Variants in ENTHD1 observed in about 807,000 individuals in gnomAD.
ENTHD1 encodes ENTH domain containing 1, also known as ENTH domain-containing protein 1.
Under a neutral mutation model 39.1 loss-of-function variants are expected in ENTHD1, and 23 were observed. That is an observed-to-expected ratio of 0.59 (90% CI 0.42 to 0.83). ENTHD1 has a LOEUF of 0.83. ENTHD1 is among the 40% of genes least tolerant of loss of function. The pLI, the probability that ENTHD1 is intolerant of heterozygous loss-of-function variation, is 0.00. For missense variants in ENTHD1, 624 were observed against 705.4 expected (o/e 0.88, Z 1.31); for synonymous variants, 230 against 258.2 (o/e 0.89, Z 1.05).
At chr22:39,802,872 A>C (rs550114639) in intron 5 of ENTHD1, among the ~76,000 whole-genome samples, 2 of 152,334 alleles carry the variant, frequency 1.3e-5, no homozygotes, top group South Asian at 4.1e-4. Flanking sequence ...ATCAGTCATG[A>C]GGAAATCCTC....
intron 3 of ENTHD1, among the ~76,000 whole-genome samples, chr22:39,844,494 A>G (rs6001694): frequency 0.23 from 35,195 of 152,080 alleles, 4,462 homozygotes; most frequent in African/African-American, 0.32. Flanking sequence ...AATATTCAGT[A>G]GCTGACTCCT....
At chr22:39,809,724 T>C (rs1343092270) in intron 5 of ENTHD1, among the ~76,000 whole-genome samples, 1 of 152,130 alleles carries the variant, frequency 6.6e-6, no homozygotes, top group Admixed American at 6.5e-5. Context: ...TTGTCATCTG[T>C]AGGCTGAGAT....
At chr22:39,776,425 A>G (rs2065366031) in intron 5 of ENTHD1, among the ~76,000 whole-genome samples, 1 of 152,162 alleles carries the variant, frequency 6.6e-6, no homozygotes, top group Non-Finnish European at 1.5e-5. Context: ...TCGAGGATCT[A>G]TCCAGCTGAC....
intron 3 of ENTHD1, among the ~76,000 whole-genome samples, chr22:39,854,398 C>G (rs1414497068): frequency 6.6e-6 from 1 of 152,158 alleles, no homozygotes; most frequent in Admixed American, 6.5e-5. Flanking sequence ...AGGTAAAGTT[C>G]TGTTGCAAAG....
intron 5 of ENTHD1, among the ~76,000 whole-genome samples, chr22:39,798,095 T>C (rs575771130): frequency 2.0e-5 from 3 of 152,256 alleles, no homozygotes; most frequent in African/African-American, 4.8e-5. Context: ...TAGTGTTCCA[T>C]ATGACACATA....
Position 39,875,686 on chromosome 22 carries a change from C to T in ENTHD1, c.349+11714G>A, listed in dbSNP as rs561168025. 1.2e-3 allele frequency: 1,940 copies of T among 1,611,958 alleles called. 19 individuals are homozygous for T. In the African/African-American group the frequency reaches 0.023, roughly 19 times the overall value. On this transcript the variant is annotated intron_variant, in intron 2 of 6. Transcript: ENST00000325157. ...GTGTCGCATATGCTGCCAAGAATGC[C>T]GTCACCCAGTTCGTTTCCAGCATGA...
chr22:39,851,660 T>C (rs2066041124), intron 3 of ENTHD1, among the ~76,000 whole-genome samples: 1 of 152,226 alleles, frequency 6.6e-6, no homozygotes, highest in South Asian at 2.1e-4. Flanking sequence ...TCCTTCCCAA[T>C]GCTCAAGACA....
intron 3 of ENTHD1, among the ~76,000 whole-genome samples, chr22:39,851,909 AATGGAGTT>A (rs2066043327): frequency 6.6e-6 from 1 of 152,182 alleles, no homozygotes; most frequent in Non-Finnish European, 1.5e-5. Flanking sequence ...TTGTGCAGTA[AATGGAGTT>A]CCTAGTCTCA....
chr22:39,743,877 A>G lies in ENTHD1; in HGVS notation c.1626T>C (p.Pro542=), dbSNP rs2146523591. Residue 542 remains proline, a synonymous_variant, in exon 7 of 7, where the codon CCT becomes CCC. Coordinates refer to ENST00000325157, the MANE Select transcript of ENTHD1 (RefSeq NM_152512.4). ...GAACACTAATGGAATTCTTTGCTTCAGGTTCCTGGGGGAAGTCTTTGGTTG... is the reference window on the plus strand; with the variant it reads ...GAACACTAATGGAATTCTTTGCTTCGGGTTCCTGGGGGAAGTCTTTGGTTG... ...FQSTKDFPQE[P]EAKNSISVLL... The G allele has an allele frequency of 2.5e-6, 4 of 1,614,156 alleles. No individual in the cohort carries two copies. The highest frequency in any genetic ancestry group is 3.4e-6 in the Non-Finnish European group (4 of 1,180,000).
chr22:39,840,163 T>C (rs1021420037), intron 3 of ENTHD1, among the ~76,000 whole-genome samples: 2 of 152,200 alleles, frequency 1.3e-5, no homozygotes, highest in Non-Finnish European at 2.9e-5. Flanking sequence ...AAGCTACTTA[T>C]CAATTGACAC....
intron 3 of ENTHD1, among the ~76,000 whole-genome samples, chr22:39,854,628 A>G (rs2146711725): frequency 6.6e-6 from 1 of 152,290 alleles, no homozygotes; most frequent in South Asian, 2.1e-4. Flanking sequence ...CTCTTCCTTC[A>G]AACTTCAAAA....
intron 6 of ENTHD1, among the ~76,000 whole-genome samples, chr22:39,749,889 G>A (rs1338892602): frequency 3.3e-5 from 5 of 152,302 alleles, no homozygotes; most frequent in African/African-American, 7.2e-5. Context: ...TGAGGTCATC[G>A]TTACTGCCTG....
At chr22:39,758,518 G>A (rs1443019747) in intron 6 of ENTHD1, among the ~76,000 whole-genome samples, 1 of 152,098 alleles carries the variant, frequency 6.6e-6, no homozygotes, top group Non-Finnish European at 1.5e-5. Flanking sequence ...TCAAACTCTT[G>A]GGCTCAAGTG....
At chr22:39,799,991 G>T (rs911177452) in intron 5 of ENTHD1, among the ~76,000 whole-genome samples, 1 of 152,222 alleles carries the variant, frequency 6.6e-6, no homozygotes, top group African/African-American at 2.4e-5. Context: ...TGCTACAGCT[G>T]CTTAGGACTT....
At chr22:39,747,808 C>T (rs1042630926) in intron 6 of ENTHD1, among the ~76,000 whole-genome samples, 11 of 151,936 alleles carry the variant, frequency 7.2e-5, no homozygotes, top group African/African-American at 2.7e-4. Flanking sequence ...AAAAAAAAAA[C>T]TTTCTCATTG....
chr22:39,820,917 A>T, intron 5 of ENTHD1, 76 bp downstream of exon 5: 1 of 1,546,924 alleles, frequency 6.5e-7, no homozygotes, highest in Non-Finnish European at 8.8e-7. Flanking sequence ...TAACAAAGTT[A>T]AATAGAAGCC....
intron 2 of ENTHD1, among the ~76,000 whole-genome samples, chr22:39,862,416 C>T (rs965557501): frequency 2.6e-5 from 4 of 151,802 alleles, no homozygotes; most frequent in Non-Finnish European, 5.9e-5. Flanking sequence ...GGCATGGTGG[C>T]ATGTGCCTGT....
At chr22:39,866,916 T>C (rs2066186879) in intron 2 of ENTHD1, among the ~76,000 whole-genome samples, 1 of 152,208 alleles carries the variant, frequency 6.6e-6, no homozygotes, top group Admixed American at 6.5e-5. Flanking sequence ...TACTTTTTTT[T>C]TTTTGAGACG....
intron 2 of ENTHD1, among the ~76,000 whole-genome samples, chr22:39,883,749 G>A (rs987546388): frequency 6.6e-6 from 1 of 151,510 alleles, no homozygotes; most frequent in African/African-American, 2.4e-5. Flanking sequence ...CAGCTACTCG[G>A]GAGGCTGAGG....
Sources: allele counts gnomAD v4.1 joint callset (sites outside exome capture counted in the v4.1 genomes callset), GRCh38; gene constraint gnomAD v4.1.1; transcripts MANE v1.5; gene names NCBI Gene and HGNC (gene_info 2026-07-23, HGNC 2026-07-21).